Variants in PCDH10 observed in about 807,000 individuals in gnomAD.
PCDH10 encodes the protein protocadherin 10, also known as protocadherin-10.
PCDH10 carries 15 observed loss-of-function variants against 74.4 expected under a neutral mutation model. The ratio of observed to expected loss-of-function variants is 0.20; its 90% CI spans 0.13 to 0.31. The LOEUF (loss-of-function observed/expected upper bound fraction) is 0.31. PCDH10 is among the 10% of genes least tolerant of loss of function. The pLI is 1.00. For missense variants in PCDH10, 1,260 were observed against 1,390.2 expected (o/e 0.91, Z 1.49); for synonymous variants, 619 against 589.8 (o/e 1.05, Z -0.72).
chr4:133,163,057 C>G lies in PCDH10; in HGVS notation c.2878C>G (p.Pro960Ala). 1.2e-6 allele frequency: 2 copies of G among 1,614,092 alleles called. No individual in the cohort carries two copies. The highest frequency in any genetic ancestry group is 4.5e-5 in the East Asian group (2 of 44,860). ...SDRCWMPSFV[P>A]SDGRQAADYR... ...TCGGTGCTGGATGCCTTCTTTTGTCCCTTCTGATGGACGCCAGGCTGCTGA... is the reference window on the plus strand; with the variant it reads ...TCGGTGCTGGATGCCTTCTTTTGTCGCTTCTGATGGACGCCAGGCTGCTGA... The change falls in exon 4 of 5, where the codon CCT becomes GCT. Residue 960 changes from proline (P) to alanine (A), a missense_variant. This residue lies in a region of PCDH10 where 136 missense variants were observed against 149.3 expected (regional missense o/e 0.91). Coordinates refer to ENST00000264360, the MANE Select transcript of PCDH10 (RefSeq NM_032961.3).
chr4:133,171,247 A>G (rs1277997807), intron 4 of PCDH10, among the ~76,000 whole-genome samples: 7 of 152,082 alleles, frequency 4.6e-5, no homozygotes, highest in Non-Finnish European at 1.5e-5. Flanking sequence ...ATTAGCTTTA[A>G]TTTATCACCA....
chr4:133,199,324 A>AT (rs1553943472), downstream of PCDH10, among the ~76,000 whole-genome samples: 96 of 140,056 alleles, frequency 6.9e-4, no homozygotes, highest in African/African-American at 1.0e-3. Flanking sequence ...AATAATAATA[A>AT]TAATTAATTA....
At position 133,187,702 on chromosome 4, in the gene PCDH10, A is replaced by G. The variant is rs193105459; in HGVS notation, c.3104-2439A>G. Among the ~76,000 whole-genome samples the G allele has an allele frequency of 4.5e-3, 692 of 152,242 alleles. 7 individuals carry two copies. The highest frequency in any genetic ancestry group is 0.016 in the African/African-American group (677 of 41,572). On this transcript the variant is annotated intron_variant, in intron 4 of 4. Coordinates refer to ENST00000264360, the MANE Select transcript of PCDH10 (RefSeq NM_032961.3). The stretch of plus-strand genomic sequence containing the variant: ...AGAAAACACGTAACTCTAAGCAGCA[A>G]TTAAAAGATGTCTTTTAAGTTTATG...
intron 4 of PCDH10, among the ~76,000 whole-genome samples, chr4:133,175,026 T>C (rs1727264997): frequency 6.6e-6 from 1 of 151,816 alleles, no homozygotes; most frequent in Non-Finnish European, 1.5e-5. Flanking sequence ...GTAATTTTTA[T>C]AGAAATTGTT....
chr4:133,178,645 C>T (rs1727347049), intron 4 of PCDH10, among the ~76,000 whole-genome samples: 1 of 150,134 alleles, frequency 6.7e-6, no homozygotes, highest in African/African-American at 2.5e-5. Flanking sequence ...GCATAGGAAA[C>T]AATCAAATGT....
At position 133,163,227 on chromosome 4, in the gene PCDH10, G is replaced by A. The variant is rs779113185; in HGVS notation, c.3048G>A (p.Lys1016=). 6.2e-6 allele frequency: 10 copies of A among 1,613,952 alleles called. No individual in the cohort carries two copies. Among genetic ancestry groups the A allele is most frequent in the South Asian group, 4.4e-5 (4 of 91,090 alleles). Residue 1016 remains lysine (K), a synonymous_variant, in exon 4 of 5, where the codon AAG becomes AAA. Transcript: ENST00000264360. ...CCCTTCACAGCACTCTGGAGAGGAA[G>A]GAGCTGGATGGACTGCTGACTAATA... The part of the protein sequence containing the change: ...EKALHSTLER[K]ELDGLLTNTR...
Position 133,152,427 on chromosome 4 carries a change from T to A in PCDH10, c.2287T>A (p.Cys763Ser), listed in dbSNP as rs1476003947. Residue 763 changes from cysteine to serine, a missense_variant, in exon 1 of 5, where the codon TGC (cysteine) becomes AGC (serine). Physicochemically the swap from Cys to Ser is moderately radical, Grantham distance 112. Coordinates refer to ENST00000264360, the MANE Select transcript of PCDH10 (RefSeq NM_032961.3). ...ASDCCLCCCCCGGGGSTCCGR... is the reference protein window; with the variant it reads ...ASDCCLCCCCSGGGGSTCCGR... ...CGATTGCTGCCTCTGCTGCTGCTGC[T>A]GCGGTGGCGGAGGTTCGACCTGCTG... is the stretch of plus-strand genomic sequence containing the variant. 1 of 1,614,106 alleles carries A rather than the reference T, an allele frequency of 6.2e-7. No homozygotes were observed. The highest frequency in any genetic ancestry group is 8.5e-7 in the Non-Finnish European group (1 of 1,180,002).
At chr4:133,153,743 C>A (rs1189009619) in intron 1 of PCDH10, 1 of 150,742 alleles carries the variant, frequency 6.6e-6, no homozygotes, top group Non-Finnish European at 1.5e-5. Flanking sequence ...GGGGGGCGGG[C>A]AGGATTATGA....
rs1362746720 is a variant in PCDH10 at position 133,190,150 on chromosome 4, G to T, written c.3113G>T (p.Arg1038Met). 2.5e-6 allele frequency: 4 copies of T among 1,611,868 alleles called. 1 individual carries two copies. In the Admixed American group the frequency reaches 6.7e-5, roughly 27 times the overall value. The change falls in exon 5 of 5, where the codon AGG (arginine) becomes ATG (methionine). Residue 1038 changes from arginine (R) to methionine (M), a missense_variant. By Grantham distance (91) the Arg-to-Met change is moderately conservative. Around this residue, in one of 11 missense-constraint regions of PCDH10, gnomAD observed 136 missense variants for 149.3 expected, o/e 0.91. Transcript: ENST00000264360. ...PYKPPYLTRKRIC is the reference protein window; with the variant it reads ...PYKPPYLTRKMIC The stretch of plus-strand genomic sequence containing the variant: ...TCTTTCTTTTTCACAGCACGGAAAA[G>T]GATATGCTAGTCAATTCTACAGGAC...
chr4:133,167,758 T>G (rs965702872), intron 4 of PCDH10, among the ~76,000 whole-genome samples: 1 of 151,482 alleles, frequency 6.6e-6, no homozygotes, highest in African/African-American at 2.4e-5. Context: ...ATTTTCTCAC[T>G]TTTTCAGTTT....
chr4:133,152,289 A>G lies in PCDH10; in HGVS notation c.2149A>G (p.Ile717Val). Reference sequence around the variant, plus strand: ...GGAAACCTCGCTAGACCTCACCCTCATCCTCATCATCGCGTTGGGCTCGGT... The same window carrying G: ...GGAAACCTCGCTAGACCTCACCCTCGTCCTCATCATCGCGTTGGGCTCGGT... ...GGETSLDLTLILIIALGSVSF... is the reference protein window; with the variant it reads ...GGETSLDLTLVLIIALGSVSF... Residue 717 changes from isoleucine (I) to valine (V), a missense_variant, in exon 1 of 5, where the codon ATC becomes GTC. Physicochemically the swap from Ile to Val is conservative, Grantham distance 29. Transcript: ENST00000264360. 2 of 1,613,860 alleles carry G rather than the reference A, an allele frequency of 1.2e-6. No individual in the cohort carries two copies. Among genetic ancestry groups the G allele is most frequent in the Non-Finnish European group, 8.5e-7 (1 of 1,179,960 alleles).
rs1477708081 is a variant in PCDH10, at chr4:133,152,055, C to G, written c.1915C>G (p.Arg639Gly). Residue 639 changes from arginine (R) to glycine (G), a missense_variant, in exon 1 of 5, where the codon CGC (arginine) becomes GGC (glycine). Transcript: ENST00000264360. ...FRMDWRTGEL[R>G]TARRVPAKRD... is the part of the protein sequence containing the mutation. ...CATGGACTGGCGCACCGGGGAGCTG[C>G]GCACAGCACGCCGAGTCCCGGCCAA... The G allele has an allele frequency of 6.2e-7, 1 of 1,608,372 alleles. No individual in the cohort carries two copies. The highest frequency in any genetic ancestry group is 8.5e-7 in the Non-Finnish European group (1 of 1,177,670).
At chr4:133,184,890 G>C (rs1422456601) in intron 4 of PCDH10, among the ~76,000 whole-genome samples, 1 of 147,090 alleles carries the variant, frequency 6.8e-6, no homozygotes, top group Non-Finnish European at 1.5e-5. Context: ...TATCTACCCA[G>C]TGGACTACTG....
intron 4 of PCDH10, among the ~76,000 whole-genome samples, chr4:133,164,919 T>C (rs1283353741): frequency 6.7e-6 from 1 of 149,058 alleles, no homozygotes; most frequent in African/African-American, 2.4e-5. Context: ...CCAGGAAAAT[T>C]TTAATTATTT....
chr4:133,158,171 T>C (rs990803102), intron 3 of PCDH10, among the ~76,000 whole-genome samples: 1 of 152,202 alleles, frequency 6.6e-6, no homozygotes, highest in Non-Finnish European at 1.5e-5. Flanking sequence ...TAAAGAAATA[T>C]ATTTTCAACT....
rs1726707905 is a variant in PCDH10, at chr4:133,151,814, C to T, written c.1674C>T (p.Ala558=). ...GCCCCCAGGCGCTGGCTGGTAACGC[C>T]ACTGTCAACATCCTCATAGTGGATC... ...AGSPQALAGN[A]TVNILIVDQN... Residue 558 remains alanine, a synonymous_variant, in exon 1 of 5, where the codon GCC becomes GCT. Coordinates refer to ENST00000264360, the MANE Select transcript of PCDH10 (RefSeq NM_032961.3). 2 of 1,613,114 alleles carry T rather than the reference C, an allele frequency of 1.2e-6. No individual in the cohort carries two copies. Among genetic ancestry groups the T allele is most frequent in the South Asian group, 1.1e-5 (1 of 91,084 alleles).
intron 1 of PCDH10, 58 bp from the exon 2 acceptor site, chr4:133,154,249 G>C: frequency 9.6e-7 from 1 of 1,042,566 alleles, no homozygotes; most frequent in Non-Finnish European, 1.5e-6. Context: ...CTCAAAAGTA[G>C]ACTGCTAGTT....
chr4:133,177,009 T>C (rs1727309395), intron 4 of PCDH10, among the ~76,000 whole-genome samples: 1 of 151,830 alleles, frequency 6.6e-6, no homozygotes, highest in Non-Finnish European at 1.5e-5. Context: ...TCAATGTCCA[T>C]ATAGAATTTG....
chr4:133,190,032 G>T, intron 4 of PCDH10, 109 bp from the exon 5 acceptor site: 1 of 871,982 alleles, frequency 1.1e-6, no homozygotes, highest in South Asian at 1.4e-5. Flanking sequence ...TGTTTGGTAT[G>T]AGGGTACAAC....
Sources: gnomAD v4.1 joint callset for allele counts (sites outside exome capture counted in the v4.1 genomes callset) on GRCh38, gnomAD v4.1.1 for gene constraint, gnomAD v4.1.1 regional missense constraint, MANE v1.5 for transcripts, NCBI Gene and HGNC (gene_info 2026-07-23, HGNC 2026-07-21) for gene names.